The following ELAVL2 variants were observed in gnomAD, a reference collection of about 807,000 sequenced individuals.
ELAVL2 encodes the protein ELAV-like protein 2.
A neutral mutation model predicts 34.6 loss-of-function variants in ELAVL2; 4 were observed. The ratio of observed to expected loss-of-function variants is 0.12; its 90% CI spans 0.06 to 0.26. The LOEUF (loss-of-function observed/expected upper bound fraction) is 0.26, where lower values mean the gene tolerates loss of function less well. ELAVL2 is among the 10% of genes least tolerant of loss of function. The probability of loss-of-function intolerance (pLI) is 1.00; values close to 1 mark genes in which losing one functional copy is unlikely to be tolerated. For missense variants in ELAVL2, 432 were observed against 442.8 expected (o/e 0.98, Z 0.22); for synonymous variants, 193 against 154.8 (o/e 1.25, Z -1.83).
At position 23,786,586 on chromosome 9, in the gene ELAVL2, T is replaced by A. The variant is rs558695470; in HGVS notation, c.-15-24337A>T. On this transcript the variant is annotated intron_variant, in intron 1 of 6. Coordinates refer to ENST00000397312, the MANE Select transcript of ELAVL2 (RefSeq NM_004432.5). ...AGTTATCCCTTTCAACTGGTGTTGA[T>A]CTGCCCTTTATTACTGGAGATAGAC... Among the ~76,000 whole-genome samples the A allele has an allele frequency of 3.3e-5, 5 of 152,220 alleles. No homozygotes were observed. The South Asian group carries it at 1.0e-3, about 32-fold the overall frequency.
chr9:23,718,085 G>T (rs2042766073), intron 3 of ELAVL2, among the ~76,000 whole-genome samples: 1 of 152,052 alleles, frequency 6.6e-6, no homozygotes, highest in Non-Finnish European at 1.5e-5. Flanking sequence ...TCTTGTTATG[G>T]TTCCATATAA....
rs1478965195 is a variant in ELAVL2, at chr9:23,779,040, C to A, written c.-15-16791G>T. Among the ~76,000 whole-genome samples the A allele has an allele frequency of 2.0e-5, 3 of 152,174 alleles. No homozygotes were observed. The East Asian group carries it at 5.8e-4, about 29-fold the overall frequency. On this transcript the variant is annotated intron_variant, in intron 1 of 6. Coordinates refer to ENST00000397312, the MANE Select transcript of ELAVL2 (RefSeq NM_004432.5). ...GAGGGGCCAATGAAGTGCTTTATCCCCAGGATGAGGCAGTGAGTAGGGCAG... is the reference window on the plus strand; with the variant it reads ...GAGGGGCCAATGAAGTGCTTTATCCACAGGATGAGGCAGTGAGTAGGGCAG...
intron 3 of ELAVL2, among the ~76,000 whole-genome samples, chr9:23,706,126 A>C (rs1161984431): frequency 6.6e-6 from 1 of 152,172 alleles, no homozygotes; most frequent in African/African-American, 2.4e-5. Context: ...TTGATTTTCA[A>C]AAGGTCTTAA....
At chr9:23,836,905 T>C in the ELAVL2 span, among the ~76,000 whole-genome samples, 1 of 152,244 alleles carries the variant, frequency 6.6e-6, no homozygotes, top group African/African-American at 2.4e-5. Context: ...CAACTGTGAA[T>C]TTTAGAAAAT....
In ELAVL2 at chr9:23,783,171, G is replaced by A. The variant is rs192726294; in HGVS notation, c.-15-20922C>T. On this transcript the variant is annotated intron_variant, in intron 1 of 6. Transcript: ENST00000397312. ...TAGCCAAACTCTACTCTCCGGAGGCGTGAAGTCATCATACTTCCAGATAAG... is the reference window on the plus strand; with the variant it reads ...TAGCCAAACTCTACTCTCCGGAGGCATGAAGTCATCATACTTCCAGATAAG... 2.7e-5 allele frequency among the ~76,000 whole-genome samples: 4 copies of A among 148,990 alleles called. No individual in the cohort carries two copies. The South Asian group carries it at 6.4e-4, about 24-fold the overall frequency.
At chr9:23,727,500 T>A (rs2045520643) in intron 3 of ELAVL2, among the ~76,000 whole-genome samples, 1 of 152,072 alleles carries the variant, frequency 6.6e-6, no homozygotes, top group Non-Finnish European at 1.5e-5. Context: ...AAACTGAACT[T>A]TGCACACACA....
At chr9:23,774,121 C>G (rs933443227) in intron 1 of ELAVL2, among the ~76,000 whole-genome samples, 1 of 139,530 alleles carries the variant, frequency 7.2e-6, no homozygotes, top group Non-Finnish European at 1.5e-5. Context: ...TGAGGCAGGA[C>G]AATGGCATGA....
Position 23,690,736 on chromosome 9 carries a change from T to G in ELAVL2, c.*1821A>C, listed in dbSNP as rs2032907483. ...TTCTAAGGGGAAGCATGTGAGCATC[T>G]CAGTTTATACAAAAAGCAGGACGTA... On this transcript the variant is annotated 3_prime_UTR_variant, in exon 7 of 7. Coordinates refer to ENST00000397312, the MANE Select transcript of ELAVL2 (RefSeq NM_004432.5). 6.6e-6 allele frequency: 1 copy of G among 152,586 alleles called. No homozygotes were observed. The highest frequency in any genetic ancestry group is 1.5e-5 in the Non-Finnish European group (1 of 68,012). 9.5% of individuals were successfully genotyped at this position (152,586 alleles called of 1,614,324 possible). A position where few individuals can be genotyped will look rare whatever the true frequency, so the allele number is the denominator to read the frequency against.
chr9:23,722,608 G>A (rs2044024388), intron 3 of ELAVL2, among the ~76,000 whole-genome samples: 1 of 152,188 alleles, frequency 6.6e-6, no homozygotes, highest in South Asian at 2.1e-4. Flanking sequence ...ATTTAGAGTG[G>A]TATCTGAGCA....
chr9:23,734,744 T>C (rs1356571469), intron 2 of ELAVL2, among the ~76,000 whole-genome samples: 2 of 152,156 alleles, frequency 1.3e-5, no homozygotes, highest in Non-Finnish European at 2.9e-5. Flanking sequence ...AATTGCATCT[T>C]ATTTATATAG....
chr9:23,776,795 C>A (rs1395020612), intron 1 of ELAVL2, among the ~76,000 whole-genome samples: 1 of 149,596 alleles, frequency 6.7e-6, no homozygotes, highest in Non-Finnish European at 1.5e-5. Flanking sequence ...TGGAAACTAC[C>A]ACTTCTAACT....
At chr9:23,751,681 A>G (rs150246700) in intron 2 of ELAVL2, among the ~76,000 whole-genome samples, 240 of 152,306 alleles carry the variant, frequency 1.6e-3, no homozygotes, top group Admixed American at 4.4e-3. Flanking sequence ...AATAAGCCGC[A>G]GTTGGTTTTT....
chr9:23,814,774 A>C (rs926938198), intron 1 of ELAVL2, among the ~76,000 whole-genome samples: 18 of 152,290 alleles, frequency 1.2e-4, no homozygotes, highest in Admixed American at 5.9e-4. Context: ...CTCACCTGCC[A>C]TATCACCTCC....
chr9:23,703,622 A>G (rs2038244328), intron 4 of ELAVL2, among the ~76,000 whole-genome samples: 1 of 152,204 alleles, frequency 6.6e-6, no homozygotes, highest in African/African-American at 2.4e-5. Flanking sequence ...TTAGATTCAG[A>G]TCAACTAAAT....
intron 1 of ELAVL2, among the ~76,000 whole-genome samples, chr9:23,779,573 T>TTA (rs1426938663): frequency 6.6e-6 from 1 of 152,062 alleles, no homozygotes; most frequent in African/African-American, 2.4e-5. Context: ...TGCAACACTG[T>TTA]CCCTAGGTGC....
At chr9:23,754,368 TGTTAACTGGG>T (rs1160358263) in intron 2 of ELAVL2, among the ~76,000 whole-genome samples, 2 of 152,170 alleles carry the variant, frequency 1.3e-5, no homozygotes, top group Non-Finnish European at 2.9e-5. Context: ...TATGAAGAGA[TGTTAACTGGG>T]AATTAACTTA....
chr9:23,773,890 A>C (rs12346575), intron 1 of ELAVL2, among the ~76,000 whole-genome samples: 9,124 of 152,088 alleles, frequency 0.06, 898 homozygotes, highest in African/African-American at 0.21. Flanking sequence ...ACAAAACAAG[A>C]TGTCTCTTAA....
At chr9:23,787,132 A>G (rs2059787426) in intron 1 of ELAVL2, among the ~76,000 whole-genome samples, 1 of 152,178 alleles carries the variant, frequency 6.6e-6, no homozygotes, top group Admixed American at 6.5e-5. Flanking sequence ...GGAAGACAAC[A>G]TTGTTGGACA....
the ELAVL2 span, among the ~76,000 whole-genome samples, chr9:23,831,799 G>GT: frequency 9.2e-5 from 13 of 140,704 alleles, no homozygotes; most frequent in East Asian, 2.6e-3. Context: ...ATGGAATATT[G>GT]TTTAAAAAAA....
Sources: allele counts gnomAD v4.1 joint callset (sites outside exome capture counted in the v4.1 genomes callset), GRCh38; gene constraint gnomAD v4.1.1; transcripts MANE v1.5; gene names NCBI Gene and HGNC (gene_info 2026-07-23, HGNC 2026-07-21).